Variants in RBM5 observed in about 807,000 individuals in gnomAD.
The protein encoded by RBM5 is RNA binding motif protein 5, also known as RNA-binding protein 5.
In RBM5, 15 loss-of-function variants were observed where a neutral mutation model predicts 124.6. The ratio of observed to expected loss-of-function variants is 0.12; its 90% confidence interval spans 0.08 to 0.19. RBM5 has a LOEUF of 0.19. Among genes scored for constraint, RBM5 ranks in the 10% least tolerant of loss-of-function variants. The pLI, the probability that RBM5 is intolerant of heterozygous loss-of-function variation, is 1.00. For synonymous variants in RBM5, 337 were observed against 361.2 expected, an observed-to-expected ratio of 0.93 and a Z score of 0.76; for missense variants, 580 against 1,026.5, an observed-to-expected ratio of 0.57 and a Z score of 5.94.
chr3:50,118,486 GCA>G lies in RBM5; in HGVS notation c.*33_*34del, dbSNP rs1559701645. On this transcript the variant is annotated 3_prime_UTR_variant, in exon 25 of 25. Coordinates refer to ENST00000347869, the MANE Select transcript of RBM5 (RefSeq NM_005778.4). ...GAGAGAGAGAGAGAGATGACAAGGA[GCA>G]CAAGAAGTGGTCCATCTCCCGAATT... is the stretch of plus-strand genomic sequence containing the variant. The G allele has an allele frequency of 2.5e-6, 4 of 1,605,736 alleles. No homozygotes were observed.
At chr3:50,108,900 C>T (rs1049171440) in intron 14 of RBM5, among the ~76,000 whole-genome samples, 2 of 152,122 alleles carry the variant, frequency 1.3e-5, no homozygotes, top group Non-Finnish European at 2.9e-5. Context: ...TGAGTGCCCA[C>T]GTAAGTTCAG....
intron 17 of RBM5, chr3:50,112,559 TCTC>T (rs1468459453): frequency 6.6e-6 from 1 of 151,908 alleles, no homozygotes; most frequent in African/African-American, 2.4e-5. Flanking sequence ...ATGTGACACC[TCTC>T]CTCTGTTGCA....
In RBM5 at chr3:50,117,298, C is replaced by A; in HGVS notation, c.2241C>A (p.Gly747=). The A allele has an allele frequency of 6.2e-7, 1 of 1,614,222 alleles. No individual in the cohort carries two copies. The highest frequency in any genetic ancestry group is 8.5e-7 in the Non-Finnish European group (1 of 1,180,044). ...ATGGCATTGACCACAGTAACATTGG[C>A]AACAAGATGCTGCAGGCCATGGGCT... ...TKDGIDHSNI[G]NKMLQAMGWR... is the part of the protein sequence containing the mutation. The change falls in exon 24 of 25, where the codon GGC becomes GGA. Residue 747 remains glycine, a synonymous_variant. Transcript: ENST00000347869. The surrounding 1 kb of genome is among the most constrained non-coding windows in gnomAD (Gnocchi z 4.2).
intron 14 of RBM5, 38 bp downstream of exon 14, chr3:50,108,342 C>T (rs2091078429): frequency 6.6e-7 from 1 of 1,515,058 alleles, no homozygotes; most frequent in African/African-American, 1.4e-5. Flanking sequence ...TTTGTTTAAG[C>T]ACTTACAGTT....
chr3:50,108,901 G>A (rs886428458), intron 14 of RBM5, among the ~76,000 whole-genome samples: 1 of 152,158 alleles, frequency 6.6e-6, no homozygotes, highest in Non-Finnish European at 1.5e-5. Flanking sequence ...GAGTGCCCAC[G>A]TAAGTTCAGG....
chr3:50,096,241 C>T (rs2090812109), intron 4 of RBM5, among the ~76,000 whole-genome samples: 1 of 151,622 alleles, frequency 6.6e-6, no homozygotes, highest in Non-Finnish European at 1.5e-5. Flanking sequence ...GTAATCCCAG[C>T]ACTTCGGGAG....
chr3:50,110,247 C>A, intron 15 of RBM5, 132 bp from the exon 16 acceptor site: 1 of 737,332 alleles, frequency 1.4e-6, no homozygotes, highest in Non-Finnish European at 2.2e-6. Flanking sequence ...ATGTGTTTTG[C>A]TGAGGGATTG....
intron 14 of RBM5, among the ~76,000 whole-genome samples, chr3:50,109,057 C>T (rs562848664): frequency 1.3e-5 from 2 of 152,224 alleles, no homozygotes; most frequent in South Asian, 4.1e-4. Context: ...AAATATAGAT[C>T]CTTTCTTCTC....
intron 22 of RBM5, chr3:50,116,240 T>A: frequency 2.2e-6 from 1 of 452,672 alleles, no homozygotes; most frequent in South Asian, 2.7e-5. Context: ...GCTTGCTGCT[T>A]AAATACGCTG....
At chr3:50,090,639 G>C (rs933813521) in intron 2 of RBM5, among the ~76,000 whole-genome samples, 188 bp downstream of exon 2, 1 of 152,230 alleles carries the variant, frequency 6.6e-6, no homozygotes, top group Non-Finnish European at 1.5e-5. Context: ...AACATGCTGT[G>C]ATAAAGTGTA....
chr3:50,101,049 C>G (rs1328899748), intron 6 of RBM5: 1 of 154,376 alleles, frequency 6.5e-6, no homozygotes, highest in Admixed American at 6.5e-5. Flanking sequence ...CGTAACTGCT[C>G]AGACCGGTCT....
chr3:50,114,340 C>T, intron 20 of RBM5, 89 bp downstream of exon 20: 1 of 1,267,776 alleles, frequency 7.9e-7, no homozygotes, highest in South Asian at 1.4e-5. Context: ...AATGTGATTC[C>T]TACTTAAAAC....
At chr3:50,108,586 A>G (rs919551565) in intron 14 of RBM5, among the ~76,000 whole-genome samples, 3 of 152,156 alleles carry the variant, frequency 2.0e-5, no homozygotes, top group African/African-American at 7.2e-5. Flanking sequence ...AGGCGCCTGT[A>G]ATCCCAGCTA....
chr3:50,118,143 G>A (rs953131752), intron 24 of RBM5, 188 bp from the exon 25 acceptor site: 15 of 749,324 alleles, frequency 2.0e-5, no homozygotes, highest in Admixed American at 6.0e-5. Flanking sequence ...CCTGTGTTCC[G>A]TAGCCCATTT....
chr3:50,104,152 T>C, intron 7 of RBM5, 96 bp from the exon 8 acceptor site: 1 of 971,774 alleles, frequency 1.0e-6, no homozygotes, highest in South Asian at 1.4e-5. Flanking sequence ...TGCTTTTCTG[T>C]TAGTTACTGG....
At chr3:50,096,211 G>A (rs1162279275) in intron 4 of RBM5, among the ~76,000 whole-genome samples, 3 of 151,864 alleles carry the variant, frequency 2.0e-5, no homozygotes, top group South Asian at 2.1e-4. Flanking sequence ...GTCAGAGGCC[G>A]AGTATGGTAA....
chr3:50,094,156 A>AT (rs145309164), intron 4 of RBM5: 14,024 of 165,572 alleles, frequency 0.085, 574 homozygotes, highest in Non-Finnish European at 0.093. Flanking sequence ...ACTTTAAATA[A>AT]TTTTTTTTTT....
At chr3:50,107,248 A>G (rs1190698792) in intron 11 of RBM5, among the ~76,000 whole-genome samples, 1 of 152,156 alleles carries the variant, frequency 6.6e-6, no homozygotes, top group Non-Finnish European at 1.5e-5. Flanking sequence ...TTTTAGTATC[A>G]TTGCACATTC....
chr3:50,107,635 T>C (rs1038129172), intron 12 of RBM5, 66 bp downstream of exon 12: 1 of 863,826 alleles, frequency 1.2e-6, no homozygotes, highest in Non-Finnish European at 1.9e-6. Context: ...AGACGTGACC[T>C]CTCCTGTGGT....
Sources: gnomAD v4.1 joint callset for allele counts (sites outside exome capture counted in the v4.1 genomes callset) on GRCh38, gnomAD v4.1.1 for gene constraint, Gnocchi (gnomAD v3.1) non-coding constraint, MANE v1.5 for transcripts, NCBI Gene and HGNC (gene_info 2026-07-23, HGNC 2026-07-21) for gene names.